Variants in CELF4 observed in about 807,000 individuals in gnomAD.
CELF4 encodes CUG-BP- and ETR-3-like factor 4.
CELF4 carries 18 observed loss-of-function variants against 59.9 expected under a neutral mutation model. The ratio of observed to expected loss-of-function variants is 0.30; its 90% confidence interval spans 0.21 to 0.45. CELF4 has a LOEUF of 0.45. Among genes scored for constraint, CELF4 ranks in the 20% least tolerant of loss-of-function variants. The pLI, the probability that CELF4 is intolerant of heterozygous loss-of-function variation, is 1.00. For missense variants in CELF4, 456 were observed against 689.0 expected (o/e 0.66, Z 3.79); for synonymous variants, 261 against 267.1 (o/e 0.98, Z 0.22).
chr18:37,402,210 G>A (rs2099334962), intron 2 of CELF4, among the ~76,000 whole-genome samples: 1 of 152,224 alleles, frequency 6.6e-6, no homozygotes, highest in Admixed American at 6.5e-5. Context: ...TGAGCAGGGA[G>A]GCTGCTGAGG....
Position 37,524,542 on chromosome 18 carries a change from C to A in CELF4, c.287-38935G>T, listed in dbSNP as rs1330061291. 2.0e-5 allele frequency among the ~76,000 whole-genome samples: 3 copies of A among 152,234 alleles called. No homozygotes were observed. In the East Asian group the frequency reaches 5.8e-4, roughly 29 times the overall value. On this transcript the variant is annotated intron_variant, in intron 1 of 12. Coordinates refer to ENST00000420428, the MANE Select transcript of CELF4 (RefSeq NM_020180.4). ...GCGCCCTAATCCCTGACTCAGCTCC[C>A]ACTTCTTGTTAAACCAAAGGTAAAT... is the stretch of plus-strand genomic sequence containing the variant.
At chr18:37,251,641 C>T (rs969046511) in intron 12 of CELF4, among the ~76,000 whole-genome samples, 1 of 152,180 alleles carries the variant, frequency 6.6e-6, no homozygotes, top group Non-Finnish European at 1.5e-5. Context: ...CCAGGTCACA[C>T]CTTAATGGCA....
chr18:37,335,822 C>T (rs2097754739), intron 2 of CELF4, among the ~76,000 whole-genome samples: 2 of 152,104 alleles, frequency 1.3e-5, no homozygotes, highest in South Asian at 4.1e-4. Context: ...CACCGCCATC[C>T]TCTCCCTTTT....
intron 1 of CELF4, among the ~76,000 whole-genome samples, chr18:37,542,192 C>G (rs932367994): frequency 6.6e-6 from 1 of 152,206 alleles, no homozygotes; most frequent in African/African-American, 2.4e-5. Context: ...TAAACTCATA[C>G]ATATTTGTGG....
At chr18:37,442,047 G>C (rs1436096982) in intron 2 of CELF4, among the ~76,000 whole-genome samples, 2 of 151,862 alleles carry the variant, frequency 1.3e-5, no homozygotes, top group Non-Finnish European at 2.9e-5. Flanking sequence ...CCCTTTACCT[G>C]GGGCATTTCC....
At chr18:37,507,424 T>TA (rs1159008307) in intron 1 of CELF4, among the ~76,000 whole-genome samples, 1 of 152,232 alleles carries the variant, frequency 6.6e-6, no homozygotes, top group Non-Finnish European at 1.5e-5. Flanking sequence ...GATAACCTCC[T>TA]AATTCATCCC....
intron 2 of CELF4, among the ~76,000 whole-genome samples, chr18:37,430,225 C>T (rs917507654): frequency 2.0e-5 from 3 of 152,212 alleles, no homozygotes; most frequent in Admixed American, 6.5e-5. Flanking sequence ...CAGCTGAGCA[C>T]GGACTGGGGA....
At position 37,377,625 on chromosome 18, in the gene CELF4, A is replaced by G. The variant is rs542593490; in HGVS notation, c.370-55744T>C. ...GAGAACATGAAATGAATGCGCACAG[A>G]TCTGGCTTCTGACCAGGAGCTTGCG... On this transcript the variant is annotated intron_variant, in intron 2 of 12. Transcript: ENST00000420428. Among the ~76,000 whole-genome samples, 5 of 152,326 alleles carry G rather than the reference A, an allele frequency of 3.3e-5. No homozygotes were observed. The East Asian group carries it at 9.7e-4, about 29-fold the overall frequency.
chr18:37,366,238 G>A (rs572636068), intron 2 of CELF4, among the ~76,000 whole-genome samples: 37 of 152,238 alleles, frequency 2.4e-4, no homozygotes, highest in African/African-American at 8.2e-4. Context: ...AAGCTATAGC[G>A]CAGACCCAGA....
intron 2 of CELF4, among the ~76,000 whole-genome samples, chr18:37,429,129 C>A (rs2045463381): frequency 6.6e-6 from 1 of 152,190 alleles, no homozygotes; most frequent in African/African-American, 2.4e-5. Flanking sequence ...TGCTTGCTTA[C>A]TTTATAACAG....
At chr18:37,355,241 G>T (rs2098543483) in intron 2 of CELF4, among the ~76,000 whole-genome samples, 2 of 152,220 alleles carry the variant, frequency 1.3e-5, no homozygotes, top group Non-Finnish European at 2.9e-5. Context: ...CTGTACATCT[G>T]TGAGTGTGTG....
At chr18:37,400,113 G>A (rs2099308074) in intron 2 of CELF4, among the ~76,000 whole-genome samples, 1 of 152,154 alleles carries the variant, frequency 6.6e-6, no homozygotes, top group South Asian at 2.1e-4. Context: ...AGGGTATACA[G>A]GTGGACCTCA....
chr18:37,355,980 C>T (rs1429076427), intron 2 of CELF4, among the ~76,000 whole-genome samples: 1 of 152,076 alleles, frequency 6.6e-6, no homozygotes, highest in Non-Finnish European at 1.5e-5. Flanking sequence ...TGCAGTCTGT[C>T]TTCGTCAGCC....
chr18:37,438,792 C>T (rs141775833), intron 2 of CELF4, among the ~76,000 whole-genome samples: 26 of 152,218 alleles, frequency 1.7e-4, no homozygotes, highest in African/African-American at 4.6e-4. Context: ...TTGACAGCCG[C>T]GGGTGTAATT....
At position 37,501,063 on chromosome 18, in the gene CELF4, G is replaced by T. The variant is rs576560106; in HGVS notation, c.287-15456C>A. 8.5e-5 allele frequency among the ~76,000 whole-genome samples: 13 copies of T among 152,338 alleles called. No individual in the cohort carries two copies. In the South Asian group the frequency reaches 2.7e-3, roughly 32 times the overall value. ...ACGTGGGCCATGGCCAAGGATTCAG[G>T]CCAGCTGAGAGCAGAGGTCTGGGAC... On this transcript the variant is annotated intron_variant, in intron 1 of 12. Coordinates refer to ENST00000420428, the MANE Select transcript of CELF4 (RefSeq NM_020180.4).
chr18:37,311,788 CA>C (rs36044643), intron 3 of CELF4, among the ~76,000 whole-genome samples: 28,743 of 99,860 alleles, frequency 0.29, 3,435 homozygotes, highest in African/African-American at 0.37. Flanking sequence ...GACTCCGTCT[CA>C]AAAAAAAAAA....
chr18:37,312,405 G>A (rs1387131106), intron 3 of CELF4, among the ~76,000 whole-genome samples: 9 of 152,118 alleles, frequency 5.9e-5, no homozygotes, highest in Non-Finnish European at 7.4e-5. Context: ...TGAGCACCAC[G>A]GACTGCCCGG....
rs1601529770 is a variant in CELF4, at chr18:37,270,825, C to A, written c.1042G>T (p.Ala348Ser). Reference sequence around the variant, plus strand: ...GCTTCCGCAGCAGGTTGCCCATTGGCCTGTGGGGGGAGGCCGGTGAAGCCA... The same window carrying A: ...GCTTCCGCAGCAGGTTGCCCATTGGACTGTGGGGGGAGGCCGGTGAAGCCA... ...VNGFTGLPPQ[A>S]NGQPAAEAVF... is the part of the protein sequence containing the mutation. The change falls in exon 8 of 13, where the codon GCC (alanine) becomes TCC (serine). Residue 348 changes from alanine to serine, a missense_variant. Around this residue, in one of 7 missense-constraint regions of CELF4, gnomAD observed 256 missense variants for 340.8 expected, o/e 0.75. Coordinates refer to ENST00000420428, the MANE Select transcript of CELF4 (RefSeq NM_020180.4). The A allele has an allele frequency of 6.2e-7, 1 of 1,613,912 alleles. No homozygotes were observed. The highest frequency in any genetic ancestry group is 8.5e-7 in the Non-Finnish European group (1 of 1,179,982).
chr18:37,551,734 G>A (rs2099983238), intron 1 of CELF4, among the ~76,000 whole-genome samples: 2 of 152,172 alleles, frequency 1.3e-5, no homozygotes, highest in African/African-American at 4.8e-5. Context: ...AGCCCAAGTG[G>A]GCTGCAATTG....
Sources: gnomAD v4.1 joint callset for allele counts (sites outside exome capture counted in the v4.1 genomes callset) on GRCh38, gnomAD v4.1.1 for gene constraint, gnomAD v4.1.1 regional missense constraint, MANE v1.5 for transcripts, NCBI Gene and HGNC (gene_info 2026-07-23, HGNC 2026-07-21) for gene names.